SELENOI: variants seen among roughly 807,000 people sequenced by gnomAD.
SELENOI encodes the protein selenoprotein I, also known as ethanolaminephosphotransferase 1.
SELENOI carries 24 observed loss-of-function variants against 50.7 expected under a neutral mutation model. The observed-to-expected ratio is 0.47, with a 90% CI of 0.34 to 0.67. The LOEUF (loss-of-function observed/expected upper bound fraction) is 0.67. Ranked by LOEUF, SELENOI falls within the 30% of genes least tolerant of loss-of-function variation. The pLI is 0.01. For missense variants in SELENOI, 352 were observed against 461.4 expected, an observed-to-expected ratio of 0.76 and a Z score of 2.17; for synonymous variants, 155 against 170.2, an observed-to-expected ratio of 0.91 and a Z score of 0.70.
At chr2:26,380,494 G>T (rs1051777506) in intron 6 of SELENOI, among the ~76,000 whole-genome samples, 9 of 152,120 alleles carry the variant, frequency 5.9e-5, no homozygotes, top group African/African-American at 2.2e-4. Flanking sequence ...GCACTTCATT[G>T]TGTGGATGTA....
chr2:26,357,405 G>A (rs1013696415), intron 1 of SELENOI, among the ~76,000 whole-genome samples: 3 of 152,118 alleles, frequency 2.0e-5, no homozygotes, highest in Non-Finnish European at 4.4e-5. Context: ...TTTTTTGGGA[G>A]CTGGTTACCA....
At chr2:26,372,645 G>A (rs1677482262) in intron 4 of SELENOI, among the ~76,000 whole-genome samples, 1 of 152,178 alleles carries the variant, frequency 6.6e-6, no homozygotes, top group Non-Finnish European at 1.5e-5. Flanking sequence ...AGTACTTTTG[G>A]ATCCTAGAGC....
At chr2:26,380,409 C>T (rs1321790337) in intron 6 of SELENOI, among the ~76,000 whole-genome samples, 1 of 152,088 alleles carries the variant, frequency 6.6e-6, no homozygotes, top group Non-Finnish European at 1.5e-5. Flanking sequence ...TTCCTCCCCC[C>T]TCTTAATTGT....
intron 8 of SELENOI, 31 bp from the exon 9 acceptor site, chr2:26,386,323 T>C (rs1677840796): frequency 1.3e-6 from 2 of 1,582,876 alleles, no homozygotes; most frequent in Non-Finnish European, 1.7e-6. Flanking sequence ...TTTTCTTTTT[T>C]TCTCTCTTAT....
At chr2:26,358,939 A>C (rs2147947111) in intron 1 of SELENOI, among the ~76,000 whole-genome samples, 1 of 152,310 alleles carries the variant, frequency 6.6e-6, no homozygotes, top group East Asian at 1.9e-4. Flanking sequence ...TCCTATTCAT[A>C]TACCACTTGA....
At chr2:26,369,114 A>G (rs1677353416) in intron 4 of SELENOI, among the ~76,000 whole-genome samples, 1 of 152,216 alleles carries the variant, frequency 6.6e-6, no homozygotes, top group South Asian at 2.1e-4. Context: ...AAAATTGTAC[A>G]GTTCAGTGAG....
chr2:26,374,311 T>C (rs1223172336), intron 5 of SELENOI, among the ~76,000 whole-genome samples: 1 of 152,180 alleles, frequency 6.6e-6, no homozygotes, highest in African/African-American at 2.4e-5. Context: ...TTTTTCTTAC[T>C]TTAATGGCCT....
At chr2:26,376,315 T>G (rs1677566715) in intron 6 of SELENOI, among the ~76,000 whole-genome samples, 1 of 152,162 alleles carries the variant, frequency 6.6e-6, no homozygotes, top group South Asian at 2.1e-4. Context: ...TTGATACCTG[T>G]ATAAACTGTT....
At chr2:26,348,222 C>T (rs948345151) in intron 1 of SELENOI, among the ~76,000 whole-genome samples, 1 of 152,108 alleles carries the variant, frequency 6.6e-6, no homozygotes, top group East Asian at 1.9e-4. Flanking sequence ...AGATAGTAAG[C>T]GCTTTATAAA....
intron 4 of SELENOI, among the ~76,000 whole-genome samples, chr2:26,368,616 G>T (rs1677339665): frequency 2.6e-5 from 4 of 152,056 alleles, no homozygotes. Flanking sequence ...TGTCCTACTG[G>T]GGAGTCTCTG....
chr2:26,356,734 T>A (rs1677072323), intron 1 of SELENOI, among the ~76,000 whole-genome samples: 1 of 152,156 alleles, frequency 6.6e-6, no homozygotes, highest in African/African-American at 2.4e-5. Flanking sequence ...ATGGTCCTCT[T>A]AAGGACCATT....
intron 6 of SELENOI, among the ~76,000 whole-genome samples, chr2:26,378,678 C>T (rs1677620146): frequency 6.6e-6 from 1 of 152,276 alleles, no homozygotes; most frequent in African/African-American, 2.4e-5. Flanking sequence ...AAATGCTTCT[C>T]GAATTTCTGT....
intron 6 of SELENOI, among the ~76,000 whole-genome samples, chr2:26,377,628 T>A (rs1209705935): frequency 1.3e-5 from 2 of 151,586 alleles, no homozygotes; most frequent in Non-Finnish European, 2.9e-5. Context: ...TCAGACCCTG[T>A]CTCAAAAAAA....
intron 6 of SELENOI, among the ~76,000 whole-genome samples, chr2:26,378,558 T>C (rs1194960333): frequency 1.3e-5 from 2 of 152,236 alleles, no homozygotes; most frequent in African/African-American, 4.8e-5. Flanking sequence ...TCTGAATCTA[T>C]TATCTGCTTC....
intron 3 of SELENOI, among the ~76,000 whole-genome samples, chr2:26,366,761 G>C (rs1677294330): frequency 6.6e-6 from 1 of 152,144 alleles, no homozygotes; most frequent in Admixed American, 6.5e-5. Context: ...TATAGGAAAG[G>C]ATAAGGTGAA....
chr2:26,361,873 G>C (rs531173549), intron 1 of SELENOI, among the ~76,000 whole-genome samples: 13 of 152,202 alleles, frequency 8.5e-5, no homozygotes, highest in African/African-American at 2.9e-4. Context: ...AGCCAGGCTG[G>C]TCTCGAACTC....
At chr2:26,369,629 T>C (rs1677367471) in intron 4 of SELENOI, among the ~76,000 whole-genome samples, 1 of 152,206 alleles carries the variant, frequency 6.6e-6, no homozygotes. Context: ...CTGTCATTCA[T>C]ACCGTCAGGT....
intron 6 of SELENOI, among the ~76,000 whole-genome samples, chr2:26,380,200 A>G (rs1011162838): frequency 6.6e-6 from 1 of 152,266 alleles, no homozygotes; most frequent in Non-Finnish European, 1.5e-5. Context: ...AGGTATATTC[A>G]AAGAAGTCTA....
chr2:26,372,603 T>C lies in SELENOI; in HGVS notation c.311-764T>C, dbSNP rs185679063. Among the ~76,000 whole-genome samples the C allele has an allele frequency of 3.3e-5, 5 of 152,346 alleles. No homozygotes were observed. The East Asian group carries it at 9.6e-4, about 29-fold the overall frequency. On this transcript the variant is annotated intron_variant, in intron 4 of 9. Transcript: ENST00000260585. ...AGGTCTATAAAGAAGTGATTATGAT[T>C]TCAAACAGGATAGAATAGATGTTGT...
Sources: allele counts gnomAD v4.1 joint callset (sites outside exome capture counted in the v4.1 genomes callset), GRCh38; gene constraint gnomAD v4.1.1; transcripts MANE v1.5; gene names NCBI Gene and HGNC (gene_info 2026-07-23, HGNC 2026-07-21).